CAMK1D: variants seen among roughly 807,000 people sequenced by gnomAD.
CAMK1D encodes calcium/calmodulin-dependent protein kinase type 1D.
CAMK1D carries 9 observed loss-of-function variants against 47.7 expected under a neutral mutation model. The observed-to-expected ratio is 0.19, with a 90% CI of 0.11 to 0.33. CAMK1D has a LOEUF of 0.33. Ranked by LOEUF, CAMK1D falls within the 10% of genes least tolerant of loss-of-function variation. The pLI, the probability that CAMK1D is intolerant of heterozygous loss-of-function variation, is 1.00. For missense variants in CAMK1D, 291 were observed against 488.7 expected (o/e 0.60, Z 3.81); for synonymous variants, 184 against 184.9 (o/e 0.99, Z 0.04).
chr10:12,818,346 G>A (rs770967773), intron 8 of CAMK1D, among the ~76,000 whole-genome samples: 1 of 152,108 alleles, frequency 6.6e-6, no homozygotes, highest in Non-Finnish European at 1.5e-5. Context: ...TAATAACCCT[G>A]TGAAGTTGTA....
intron 1 of CAMK1D, among the ~76,000 whole-genome samples, chr10:12,389,771 C>T (rs528417179): frequency 6.6e-6 from 1 of 152,134 alleles, no homozygotes; most frequent in Admixed American, 6.6e-5. Flanking sequence ...GAAGGTGCTT[C>T]CTTTTTGGGG....
At chr10:12,356,616 G>A (rs959087717) in intron 1 of CAMK1D, among the ~76,000 whole-genome samples, 25 of 151,886 alleles carry the variant, frequency 1.6e-4, no homozygotes, top group African/African-American at 5.8e-4. Context: ...CAGCTACTCC[G>A]GAGGCCGAGG....
chr10:12,713,381 C>T (rs912723573), intron 3 of CAMK1D, among the ~76,000 whole-genome samples: 1 of 152,084 alleles, frequency 6.6e-6, no homozygotes, highest in Non-Finnish European at 1.5e-5. Flanking sequence ...GCGTTTTACC[C>T]TGAGGTTGGT....
intron 5 of CAMK1D, among the ~76,000 whole-genome samples, chr10:12,786,039 G>A (rs533589290): frequency 1.3e-5 from 2 of 152,256 alleles, no homozygotes; most frequent in East Asian, 1.9e-4. Flanking sequence ...ACGAATTTCC[G>A]TGAGATGAAA....
intron 10 of CAMK1D, among the ~76,000 whole-genome samples, chr10:12,827,486 C>CTT (rs1564594192): frequency 1.1e-4 from 1 of 9,404 alleles, no homozygotes; most frequent in African/African-American, 3.3e-4. Context: ...TTCTTTCTTT[C>CTT]TTTCTTTCTT....
chr10:12,417,546 G>T (rs900178272), intron 1 of CAMK1D, among the ~76,000 whole-genome samples: 1 of 152,192 alleles, frequency 6.6e-6, no homozygotes, highest in Non-Finnish European at 1.5e-5. Flanking sequence ...TCCGGCTGGG[G>T]TGGGGAGATG....
intron 1 of CAMK1D, among the ~76,000 whole-genome samples, chr10:12,490,837 G>T (rs143601578): frequency 2.6e-5 from 4 of 152,080 alleles, no homozygotes; most frequent in African/African-American, 9.7e-5. Flanking sequence ...AAATGTTTGC[G>T]CGTGATAGAT....
At chr10:12,553,412 G>A in intron 2 of CAMK1D, 56 bp downstream of exon 2, 1 of 1,441,104 alleles carries the variant, frequency 6.9e-7, no homozygotes, top group Non-Finnish European at 9.8e-7. Context: ...CGTGTGTCCT[G>A]CAGGAGTCCT....
At chr10:12,369,180 T>G (rs1837937194) in intron 1 of CAMK1D, among the ~76,000 whole-genome samples, 1 of 152,084 alleles carries the variant, frequency 6.6e-6, no homozygotes, top group Non-Finnish European at 1.5e-5. Flanking sequence ...CACAACAAGC[T>G]GGAAAGGTAG....
At chr10:12,377,843 G>A (rs746301250) in intron 1 of CAMK1D, among the ~76,000 whole-genome samples, 4 of 152,216 alleles carry the variant, frequency 2.6e-5, no homozygotes, top group Non-Finnish European at 4.4e-5. Context: ...GGAAATCTCT[G>A]TGGCTCTTGT....
intron 1 of CAMK1D, among the ~76,000 whole-genome samples, chr10:12,352,246 T>C (rs998807919): frequency 1.3e-5 from 2 of 152,242 alleles, no homozygotes; most frequent in African/African-American, 4.8e-5. Flanking sequence ...GATCCTGTAA[T>C]GGCCAATGCT....
At chr10:12,562,630 A>G (rs746554522) in intron 2 of CAMK1D, among the ~76,000 whole-genome samples, 7 of 152,182 alleles carry the variant, frequency 4.6e-5, no homozygotes, top group Non-Finnish European at 8.8e-5. Context: ...CCTGAAAGGA[A>G]CAGATAATTG....
rs138096276 is a variant in CAMK1D, at chr10:12,482,934, C to A, written c.93-70291C>A. Among the ~76,000 whole-genome samples, 197 of 152,272 alleles carry A rather than the reference C, an allele frequency of 1.3e-3. 1 individual carries two copies. The highest frequency in any genetic ancestry group is 3.4e-3 in the Middle Eastern group (1 of 294). On this transcript the variant is annotated intron_variant, in intron 1 of 10. Coordinates refer to ENST00000619168, the MANE Select transcript of CAMK1D (RefSeq NM_153498.4). ...TCAGGACGTTTTCAGATGGTAGGAT[C>A]TCATATTTCAGGTGGTTAATAACCC...
intron 2 of CAMK1D, among the ~76,000 whole-genome samples, chr10:12,597,843 T>G (rs1838190141): frequency 6.6e-6 from 1 of 152,192 alleles, no homozygotes; most frequent in East Asian, 1.9e-4. Context: ...TCACTGGATC[T>G]CTGGGAGATG....
chr10:12,625,338 A>G (rs1350278560), intron 2 of CAMK1D, among the ~76,000 whole-genome samples: 1 of 131,500 alleles, frequency 7.6e-6, no homozygotes, highest in Admixed American at 7.2e-5. Context: ...TCCATGTACA[A>G]AAAAAAAAAA....
intron 3 of CAMK1D, among the ~76,000 whole-genome samples, chr10:12,758,249 G>C (rs1836326906): frequency 6.6e-6 from 1 of 152,106 alleles, no homozygotes; most frequent in Admixed American, 6.6e-5. Flanking sequence ...TATAAATTCT[G>C]GGGGACGTAA....
chr10:12,444,945 A>G (rs1436311926), intron 1 of CAMK1D, among the ~76,000 whole-genome samples: 2 of 152,220 alleles, frequency 1.3e-5, no homozygotes, highest in Non-Finnish European at 2.9e-5. Context: ...GGGATTCGCT[A>G]CAGAATGTAG....
chr10:12,825,335 T>C (rs1367092540), intron 9 of CAMK1D, among the ~76,000 whole-genome samples: 2 of 152,228 alleles, frequency 1.3e-5, no homozygotes, highest in African/African-American at 4.8e-5. Context: ...ATTCTATGTA[T>C]TTATGATGTC....
intron 3 of CAMK1D, among the ~76,000 whole-genome samples, chr10:12,718,256 G>A (rs537386193): frequency 6.6e-6 from 1 of 152,302 alleles, no homozygotes; most frequent in Admixed American, 6.5e-5. Context: ...GGGTTCGAAA[G>A]ACAACTTTTA....
Sources: allele counts gnomAD v4.1 joint callset (sites outside exome capture counted in the v4.1 genomes callset), GRCh38; gene constraint gnomAD v4.1.1; transcripts MANE v1.5; gene names NCBI Gene and HGNC (gene_info 2026-07-23, HGNC 2026-07-21).